RASEF: variants seen among roughly 807,000 people sequenced by gnomAD.
RASEF encodes the protein ras and EF-hand domain-containing protein.
RASEF carries 68 observed loss-of-function variants against 90.1 expected under a neutral mutation model. The ratio of observed to expected loss-of-function variants is 0.75; its 90% CI spans 0.62 to 0.92. The LOEUF is 0.92. RASEF is among the 40% of genes least tolerant of loss of function. The pLI is 0.00. For synonymous variants in RASEF, 331 were observed against 345.2 expected, an observed-to-expected ratio of 0.96 and a Z score of 0.46; for missense variants, 949 against 937.2, an observed-to-expected ratio of 1.01 and a Z score of -0.16.
chr9:83,144,459 G>A, the RASEF span, among the ~76,000 whole-genome samples: 62 of 134,728 alleles, frequency 4.6e-4, no homozygotes, highest in Middle Eastern at 3.8e-3. Flanking sequence ...AAAGAAAAGA[G>A]AAGAGAAAAG....
At chr9:83,010,529 C>T (rs761386009) in intron 5 of RASEF, among the ~76,000 whole-genome samples, 3 of 152,000 alleles carry the variant, frequency 2.0e-5, no homozygotes, top group Admixed American at 6.5e-5. Context: ...GACAAGTGAC[C>T]GGGCCGAACC....
At chr9:83,074,445 AG>A in the RASEF span, among the ~76,000 whole-genome samples, 1 of 152,242 alleles carries the variant, frequency 6.6e-6, no homozygotes, top group South Asian at 2.1e-4. Context: ...GTTAAAAACC[AG>A]CCATATTCCA....
chr9:83,131,517 T>C, the RASEF span, among the ~76,000 whole-genome samples: 4 of 152,180 alleles, frequency 2.6e-5, no homozygotes, highest in African/African-American at 9.7e-5. Flanking sequence ...ATAGAAAGCT[T>C]ATTGATAAGT....
At chr9:82,998,998 A>G (rs1564071757) in intron 12 of RASEF, among the ~76,000 whole-genome samples, 1 of 152,160 alleles carries the variant, frequency 6.6e-6, no homozygotes, top group Non-Finnish European at 1.5e-5. Flanking sequence ...TGAACCAAAT[A>G]CTGTATGTAG....
chr9:83,133,548 C>T, the RASEF span, among the ~76,000 whole-genome samples: 5 of 152,052 alleles, frequency 3.3e-5, no homozygotes, highest in Non-Finnish European at 7.4e-5. Flanking sequence ...TCAGTTTCTC[C>T]ACAAATAAAA....
the RASEF span, among the ~76,000 whole-genome samples, chr9:83,153,903 A>G: frequency 6.6e-6 from 1 of 152,238 alleles, no homozygotes; most frequent in East Asian, 1.9e-4. Context: ...TCTCCCAGCC[A>G]TGCTGAGTAC....
At chr9:83,161,336 C>A in the RASEF span, among the ~76,000 whole-genome samples, 1 of 152,186 alleles carries the variant, frequency 6.6e-6, no homozygotes, top group African/African-American at 2.4e-5. Flanking sequence ...TCAGCATGAT[C>A]TGGATGTGAG....
intron 1 of RASEF, among the ~76,000 whole-genome samples, chr9:83,043,927 G>A (rs1587518676): frequency 6.6e-6 from 1 of 152,258 alleles, no homozygotes; most frequent in Non-Finnish European, 1.5e-5. Context: ...GAGAGAAGAC[G>A]TGATTTAACA....
At chr9:83,171,417 G>GT in the RASEF span, among the ~76,000 whole-genome samples, 1,510 of 151,886 alleles carry the variant, frequency 9.9e-3, 30 homozygotes, top group African/African-American at 0.034. Flanking sequence ...TCTTTGTCTG[G>GT]TTTTGGTATC....
chr9:83,198,548 C>T, the RASEF span, among the ~76,000 whole-genome samples: 1 of 152,138 alleles, frequency 6.6e-6, no homozygotes. Flanking sequence ...TAAGGCAGCA[C>T]CACAGGGAGA....
At chr9:83,119,500 G>A in the RASEF span, among the ~76,000 whole-genome samples, 1 of 152,154 alleles carries the variant, frequency 6.6e-6, no homozygotes, top group East Asian at 1.9e-4. Flanking sequence ...TGGTGCAGGG[G>A]AAGAAAGCTG....
At chr9:83,142,412 T>C in the RASEF span, among the ~76,000 whole-genome samples, 1 of 152,220 alleles carries the variant, frequency 6.6e-6, no homozygotes, top group Non-Finnish European at 1.5e-5. Flanking sequence ...TTCCTCTGAA[T>C]AACAAACTAC....
the RASEF span, among the ~76,000 whole-genome samples, chr9:83,077,656 A>C: frequency 6.6e-6 from 1 of 152,204 alleles, no homozygotes; most frequent in South Asian, 2.1e-4. Context: ...TTATTAGAGA[A>C]ATAATCCAGA....
At chr9:83,002,815 C>T (rs1829063626) in intron 9 of RASEF, among the ~76,000 whole-genome samples, 1 of 152,086 alleles carries the variant, frequency 6.6e-6, no homozygotes, top group Admixed American at 6.6e-5. Flanking sequence ...AATATAGGCA[C>T]ACTCAGCATT....
At chr9:83,181,079 C>G in the RASEF span, among the ~76,000 whole-genome samples, 1 of 149,512 alleles carries the variant, frequency 6.7e-6, no homozygotes, top group Non-Finnish European at 1.5e-5. Context: ...CCCTTTTACT[C>G]TCAAATGTGT....
At chr9:83,108,070 G>A in the RASEF span, among the ~76,000 whole-genome samples, 1 of 152,224 alleles carries the variant, frequency 6.6e-6, no homozygotes, top group African/African-American at 2.4e-5. Flanking sequence ...GTTACTTCCA[G>A]GGGTGGAGGG....
the RASEF span, among the ~76,000 whole-genome samples, chr9:83,088,400 A>AGATG: frequency 2.4e-4 from 37 of 152,034 alleles, no homozygotes; most frequent in Non-Finnish European, 4.9e-4. Flanking sequence ...ATAGATAGAT[A>AGATG]GATAGATAGA....
chr9:83,163,504 G>T, the RASEF span, among the ~76,000 whole-genome samples: 1 of 152,034 alleles, frequency 6.6e-6, no homozygotes, highest in African/African-American at 2.4e-5. Context: ...GAACCAATGG[G>T]CAACATAAAC....
At chr9:83,005,346 T>G in intron 8 of RASEF, 70 bp downstream of exon 8, 8 of 1,114,774 alleles carry the variant, frequency 7.2e-6, no homozygotes, top group Non-Finnish European at 1.1e-5. Context: ...GAAATTACAT[T>G]ATTTTCATCA....
Sources: gnomAD v4.1 joint callset for allele counts (sites outside exome capture counted in the v4.1 genomes callset) on GRCh38, gnomAD v4.1.1 for gene constraint, MANE v1.5 for transcripts, NCBI Gene and HGNC (gene_info 2026-07-23, HGNC 2026-07-21) for gene names.